The following CSMD1 variants were observed in gnomAD, a reference collection of about 807,000 sequenced individuals.
The protein encoded by CSMD1 is CUB and sushi domain-containing protein 1.
A neutral mutation model predicts 417.5 loss-of-function variants in CSMD1; 213 were observed. The observed-to-expected ratio is 0.51, with a 90% CI of 0.46 to 0.57. The LOEUF is 0.57. CSMD1 is among the 20% of genes least tolerant of loss of function. The pLI, the probability that CSMD1 is intolerant of heterozygous loss-of-function variation, is 0.00. For synonymous variants in CSMD1, 2,862 were observed against 1,736.8 expected, an observed-to-expected ratio of 1.65 and a Z score of -16.11; for missense variants, 6,923 against 4,529.7, an observed-to-expected ratio of 1.53 and a Z score of -15.17.
intron 20 of CSMD1, among the ~76,000 whole-genome samples, chr8:3,361,636 A>G (rs1051692777): frequency 7.9e-6 from 1 of 127,146 alleles, no homozygotes; most frequent in African/African-American, 2.9e-5. Context: ...TGGGCAACAG[A>G]GCAAGATTCC....
At chr8:4,903,682 C>A (rs180861339) in intron 1 of CSMD1, among the ~76,000 whole-genome samples, 1 of 152,024 alleles carries the variant, frequency 6.6e-6, no homozygotes, top group African/African-American at 2.4e-5. Flanking sequence ...ATGTTTATAC[C>A]AAAGGTTGTA....
intron 7 of CSMD1, among the ~76,000 whole-genome samples, chr8:3,656,847 C>T (rs1342479742): frequency 2.0e-5 from 3 of 151,894 alleles, no homozygotes; most frequent in African/African-American, 7.3e-5. Flanking sequence ...ATAGCTTGTC[C>T]CTGGGTGGCA....
chr8:4,897,094 A>T (rs1030081843), intron 1 of CSMD1, among the ~76,000 whole-genome samples: 1 of 152,006 alleles, frequency 6.6e-6, no homozygotes. Context: ...CTACAATTTC[A>T]GGCTTGACTT....
intron 4 of CSMD1, among the ~76,000 whole-genome samples, chr8:4,007,245 C>T (rs1384270633): frequency 6.6e-6 from 1 of 152,164 alleles, no homozygotes; most frequent in African/African-American, 2.4e-5. Context: ...AATCACCACT[C>T]ATAATAAAAC....
intron 10 of CSMD1, among the ~76,000 whole-genome samples, chr8:3,561,521 A>G (rs1018634791): frequency 6.6e-6 from 1 of 152,356 alleles, no homozygotes; most frequent in South Asian, 2.1e-4. Flanking sequence ...TAATGCAGAA[A>G]TGGAAAGTCA....
intron 5 of CSMD1, among the ~76,000 whole-genome samples, chr8:3,859,460 G>T (rs1006759464): frequency 6.6e-6 from 1 of 152,282 alleles, no homozygotes; most frequent in South Asian, 2.1e-4. Context: ...TGGACTTTGT[G>T]CTTGGTTTCT....
At position 3,839,472 on chromosome 8, in the gene CSMD1, T is replaced by A. The variant is rs1490257973; in HGVS notation, c.819-85430A>T. On this transcript the variant is annotated intron_variant, in intron 5 of 69. Transcript: ENST00000635120. ...ATAATATAATATATTATATATTATA[T>A]AATTATATTATATATTTATATATTA... Among the ~76,000 whole-genome samples the A allele has an allele frequency of 7.4e-5, 4 of 54,292 alleles. No homozygotes were observed. In the South Asian group the frequency reaches 1.9e-3, roughly 25 times the overall value. 35.6% of individuals were successfully genotyped at this position (54,292 alleles called of 152,430 possible). A position where few individuals can be genotyped will look rare whatever the true frequency, so the allele number is the denominator to read the frequency against.
chr8:3,212,025 T>C (rs1183515451), intron 30 of CSMD1, among the ~76,000 whole-genome samples: 1 of 152,070 alleles, frequency 6.6e-6, no homozygotes, highest in Admixed American at 6.5e-5. Flanking sequence ...ACCCACTTCT[T>C]CGTTTGTCTC....
At chr8:3,429,181 G>A (rs1246641958) in intron 12 of CSMD1, among the ~76,000 whole-genome samples, 2 of 152,066 alleles carry the variant, frequency 1.3e-5, no homozygotes, top group African/African-American at 4.8e-5. Flanking sequence ...TAGAAGAGAG[G>A]ATTTTCAATG....
intron 18 of CSMD1, among the ~76,000 whole-genome samples, chr8:3,375,620 G>A (rs1032049245): frequency 6.6e-6 from 1 of 152,138 alleles, no homozygotes; most frequent in East Asian, 1.9e-4. Flanking sequence ...TCCACCAAAA[G>A]GAATCTTGTG....
chr8:3,958,284 G>A (rs1305535467), intron 5 of CSMD1, among the ~76,000 whole-genome samples: 1 of 149,556 alleles, frequency 6.7e-6, no homozygotes, highest in Non-Finnish European at 1.5e-5. Flanking sequence ...TTTTTGTGGG[G>A]ATGTGGAAAA....
rs1454688999 is a variant in CSMD1 at position 3,434,561 on chromosome 8, GT to G, written c.1562-24957del. 3.3e-5 allele frequency among the ~76,000 whole-genome samples: 5 copies of G among 152,138 alleles called. No homozygotes were observed. The East Asian group carries it at 9.6e-4, about 29-fold the overall frequency. ...AAGTACAAATATTTCCTTCTAAATA[GT>G]GAACATAATTTAGATTATATTACTT... On this transcript the variant is annotated intron_variant, in intron 12 of 69. Coordinates refer to ENST00000635120, the MANE Select transcript of CSMD1 (RefSeq NM_033225.6).
At chr8:3,462,185 A>C (rs1816547117) in intron 12 of CSMD1, among the ~76,000 whole-genome samples, 1 of 151,706 alleles carries the variant, frequency 6.6e-6, no homozygotes, top group South Asian at 2.1e-4. Context: ...GAATCATCCC[A>C]AGCAGTGTTC....
chr8:4,788,453 G>C (rs1317059635), intron 1 of CSMD1: 1 of 1,325,596 alleles, frequency 7.5e-7, no homozygotes, highest in Non-Finnish European at 1.1e-6. Context: ...TTCTCCAGAA[G>C]GATCAGCTCA....
intron 3 of CSMD1, among the ~76,000 whole-genome samples, chr8:4,066,752 C>G (rs893513468): frequency 2.0e-5 from 3 of 152,084 alleles, no homozygotes; most frequent in Admixed American, 2.0e-4. Context: ...GCAATCCAAA[C>G]CACAAGCAAA....
rs552110803 is a variant in CSMD1 at position 4,019,219 on chromosome 8, G to A, written c.610+12686C>T. Among the ~76,000 whole-genome samples the A allele has an allele frequency of 5.9e-5, 9 of 152,272 alleles. No individual in the cohort carries two copies. The South Asian group carries it at 1.5e-3, about 25-fold the overall frequency. ...ATTATGGACAATAAACCTGAGAGAGGCTCCTGGCTGAGTTAGGTCAGAGGC... is the reference window on the plus strand; with the variant it reads ...ATTATGGACAATAAACCTGAGAGAGACTCCTGGCTGAGTTAGGTCAGAGGC... On this transcript the variant is annotated intron_variant, in intron 4 of 69. Coordinates refer to ENST00000635120, the MANE Select transcript of CSMD1 (RefSeq NM_033225.6).
intron 37 of CSMD1, among the ~76,000 whole-genome samples, chr8:3,164,838 C>T (rs946834061): frequency 6.6e-6 from 1 of 152,076 alleles, no homozygotes; most frequent in South Asian, 2.1e-4. Context: ...AGTTACTAAA[C>T]TTGCATGTTT....
intron 3 of CSMD1, among the ~76,000 whole-genome samples, chr8:4,239,424 C>A (rs1446884848): frequency 6.6e-6 from 1 of 152,170 alleles, no homozygotes; most frequent in South Asian, 2.1e-4. Flanking sequence ...CTTAACTCGT[C>A]TTTCTCCTGG....
chr8:2,935,725 G>C lies in CSMD1; in HGVS notation c.*2860C>G, dbSNP rs185851298. ...TCGTGACAGCAGCGTGTGGTGGGAC[G>C]GGAGGGAGGGTCGGCGATGACAATG... On this transcript the variant is annotated 3_prime_UTR_variant, in exon 70 of 70. Coordinates refer to ENST00000635120, the MANE Select transcript of CSMD1 (RefSeq NM_033225.6). 1 of 152,142 alleles carries C rather than the reference G, an allele frequency of 6.6e-6. No individual in the cohort carries two copies. Among genetic ancestry groups the C allele is most frequent in the African/African-American group, 2.4e-5 (1 of 41,434 alleles). 9.4% of individuals were successfully genotyped at this position (152,142 alleles called of 1,614,324 possible).
Sources: gnomAD v4.1 joint callset for allele counts (sites outside exome capture counted in the v4.1 genomes callset) on GRCh38, gnomAD v4.1.1 for gene constraint, MANE v1.5 for transcripts, NCBI Gene and HGNC (gene_info 2026-07-23, HGNC 2026-07-21) for gene names.